The following CADPS variants were observed in gnomAD, a reference collection of about 807,000 sequenced individuals.
The protein encoded by CADPS is calcium dependent secretion activator.
In CADPS, 57 loss-of-function variants were observed where a neutral mutation model predicts 167.3. That is an observed-to-expected ratio of 0.34 (90% confidence interval 0.28 to 0.42). The LOEUF (loss-of-function observed/expected upper bound fraction) is 0.42. CADPS is among the 20% of genes least tolerant of loss of function. The pLI is 1.00. For missense variants in CADPS, 1,414 were observed against 1,738.1 expected (o/e 0.81, Z 3.32); for synonymous variants, 676 against 635.3 (o/e 1.06, Z -0.96).
chr3:62,603,858 G>A (rs916642667), intron 6 of CADPS, among the ~76,000 whole-genome samples: 1 of 151,224 alleles, frequency 6.6e-6, no homozygotes, highest in Non-Finnish European at 1.5e-5. Context: ...ACAGAGTCTC[G>A]CTCTGTCACC....
At chr3:62,668,661 T>A (rs1325723718) in intron 3 of CADPS, among the ~76,000 whole-genome samples, 6 of 152,186 alleles carry the variant, frequency 3.9e-5, no homozygotes, top group Non-Finnish European at 8.8e-5. Context: ...GGTACTTATG[T>A]GATTTGGTGT....
At chr3:62,687,781 T>C (rs1394244128) in intron 3 of CADPS, among the ~76,000 whole-genome samples, 2 of 145,224 alleles carry the variant, frequency 1.4e-5, no homozygotes, top group African/African-American at 5.1e-5. Context: ...GCTTCTATGG[T>C]AAAAAGCTCT....
intron 1 of CADPS, among the ~76,000 whole-genome samples, chr3:62,870,195 G>T (rs564259018): frequency 6.6e-6 from 1 of 152,260 alleles, no homozygotes; most frequent in Middle Eastern, 3.4e-3. Context: ...CTGATGAAGA[G>T]AAACAATTCT....
chr3:62,494,669 A>ATTTTTTTTTTTTTTTTT (rs56153630), intron 18 of CADPS, among the ~76,000 whole-genome samples: 1 of 118,618 alleles, frequency 8.4e-6, no homozygotes, highest in African/African-American at 3.4e-5. Flanking sequence ...CTTACCAGCA[A>ATTTTTTTTTTTTTTTTT]TTTTTTTTTT....
At chr3:62,535,795 G>A (rs181224206) in intron 12 of CADPS, among the ~76,000 whole-genome samples, 228 of 152,100 alleles carry the variant, frequency 1.5e-3, no homozygotes, top group Non-Finnish European at 1.8e-3. Context: ...GCACTCCCTT[G>A]AATTTAAATC....
intron 4 of CADPS, among the ~76,000 whole-genome samples, chr3:62,653,676 A>G (rs1156470870): frequency 2.0e-5 from 3 of 152,270 alleles, no homozygotes; most frequent in African/African-American, 4.8e-5. Context: ...AATTGAGTGA[A>G]TAGATCAATG....
At chr3:62,833,927 A>G (rs2075517061) in intron 1 of CADPS, among the ~76,000 whole-genome samples, 1 of 152,224 alleles carries the variant, frequency 6.6e-6, no homozygotes, top group East Asian at 1.9e-4. Flanking sequence ...CAAAATAGGT[A>G]CACATACATG....
intron 1 of CADPS, among the ~76,000 whole-genome samples, chr3:62,782,621 A>T (rs1210179383): frequency 1.3e-5 from 2 of 152,228 alleles, no homozygotes; most frequent in Admixed American, 6.5e-5. Context: ...TTCTCTAAAA[A>T]GATGTACAGC....
In CADPS at chr3:62,557,479, C is replaced by T. The variant is rs749507974; in HGVS notation, c.1679G>A (p.Arg560Gln). The change falls in exon 10 of 30, where the codon CGG becomes CAG. Residue 560 changes from arginine to glutamine, a missense_variant. Arg to Gln is a conservative substitution (Grantham distance 43, BLOSUM62 1). This residue lies in a region of CADPS where 157 missense variants were observed against 229.4 expected (regional missense o/e 0.68). Transcript: ENST00000383710. ...SQYTFAMCSY[R>Q]EKKAEPQELL... ...TTCCTGAGGCTCCGCTTTCTTCTCCCGATAACTGCACATGGCAAACGTGTA... is the reference window on the plus strand; with the variant it reads ...TTCCTGAGGCTCCGCTTTCTTCTCCTGATAACTGCACATGGCAAACGTGTA... The T allele has an allele frequency of 5.6e-6, 9 of 1,613,856 alleles. No homozygotes were observed. The highest frequency in any genetic ancestry group is 4.5e-5 in the East Asian group (2 of 44,892).
At chr3:62,867,391 C>T (rs2081899439) in intron 1 of CADPS, among the ~76,000 whole-genome samples, 1 of 152,026 alleles carries the variant, frequency 6.6e-6, no homozygotes, top group Non-Finnish European at 1.5e-5. Context: ...ATGTGCTTGG[C>T]ATTAGCCATT....
At chr3:62,749,754 T>C (rs1237490140) in intron 3 of CADPS, among the ~76,000 whole-genome samples, 1 of 152,170 alleles carries the variant, frequency 6.6e-6, no homozygotes, top group Non-Finnish European at 1.5e-5. Context: ...GGAGGTAAAT[T>C]AAATCTCTGC....
At chr3:62,588,448 A>C (rs566911515) in intron 7 of CADPS, among the ~76,000 whole-genome samples, 1 of 152,246 alleles carries the variant, frequency 6.6e-6, no homozygotes, top group South Asian at 2.1e-4. Context: ...GATTGGACAC[A>C]GAGGGCCTAC....
At chr3:62,790,224 T>C (rs2092813940) in intron 1 of CADPS, among the ~76,000 whole-genome samples, 1 of 152,010 alleles carries the variant, frequency 6.6e-6, no homozygotes, top group Non-Finnish European at 1.5e-5. Context: ...ACAGAAAAAA[T>C]AAGAAGGCTA....
rs139840235 is a variant in CADPS, at chr3:62,592,812, T to C, written c.1326-64A>G. The C allele has an allele frequency of 1.1e-5, 13 of 1,228,402 alleles. No homozygotes were observed. The East Asian group carries it at 1.4e-4, about 13-fold the overall frequency. 76.1% of individuals were successfully genotyped at this position (1,228,402 alleles called of 1,614,324 possible). ...GCCTTGATGAGTCTAAACTATTCCA[T>C]TGTTCCCAGGTCAGGTGAATGCAGG... On this transcript the variant is annotated intron_variant, in intron 6 of 29. Coordinates refer to ENST00000383710, the MANE Select transcript of CADPS (RefSeq NM_003716.4).
At chr3:62,835,159 A>G (rs1260879144) in intron 1 of CADPS, among the ~76,000 whole-genome samples, 1 of 152,208 alleles carries the variant, frequency 6.6e-6, no homozygotes, top group Non-Finnish European at 1.5e-5. Flanking sequence ...AAAAATGTAA[A>G]TTAGATCACT....
At chr3:62,825,259 T>C (rs888409743) in intron 1 of CADPS, among the ~76,000 whole-genome samples, 1 of 152,128 alleles carries the variant, frequency 6.6e-6, no homozygotes, top group Non-Finnish European at 1.5e-5. Context: ...CTTGGGTGAA[T>C]ACCCAAAGTC....
intron 6 of CADPS, among the ~76,000 whole-genome samples, chr3:62,599,711 AAT>A (rs1491318346): frequency 9.7e-5 from 4 of 41,372 alleles, no homozygotes; most frequent in African/African-American, 1.3e-4. Context: ...TATATTATAT[AAT>A]ATATAATATA....
rs535090453 is a variant in CADPS at position 62,515,123 on chromosome 3, G to C, written c.2581+936C>G. On this transcript the variant is annotated intron_variant, in intron 16 of 29. Coordinates refer to ENST00000383710, the MANE Select transcript of CADPS (RefSeq NM_003716.4). ...TTTGGCAGAGTAAGTGATGGGGTCTGAGTGATTGGTTAGTTTCTTTTCCCC... is the reference window on the plus strand; with the variant it reads ...TTTGGCAGAGTAAGTGATGGGGTCTCAGTGATTGGTTAGTTTCTTTTCCCC... 2.0e-5 allele frequency among the ~76,000 whole-genome samples: 3 copies of C among 152,226 alleles called. No homozygotes were observed. The South Asian group carries it at 6.2e-4, about 32-fold the overall frequency.
intron 3 of CADPS, among the ~76,000 whole-genome samples, chr3:62,752,573 C>T (rs2082936480): frequency 6.6e-6 from 1 of 152,084 alleles, no homozygotes; most frequent in Non-Finnish European, 1.5e-5. Flanking sequence ...ATTTTATATA[C>T]TGGGAATATT....
Sources: allele counts gnomAD v4.1 joint callset (sites outside exome capture counted in the v4.1 genomes callset), GRCh38; gene constraint gnomAD v4.1.1; regional missense constraint gnomAD v4.1.1; transcripts MANE v1.5; gene names NCBI Gene and HGNC (gene_info 2026-07-23, HGNC 2026-07-21).